NAALADL2: variants seen among roughly 807,000 people sequenced by gnomAD.
NAALADL2 encodes inactive N-acetylated-alpha-linked acidic dipeptidase-like protein 2.
A neutral mutation model predicts 87.2 loss-of-function variants in NAALADL2; 76 were observed. That is an observed-to-expected ratio of 0.87 (90% CI 0.72 to 1.05). The LOEUF (loss-of-function observed/expected upper bound fraction) is 1.05, where lower values mean the gene tolerates loss of function less well. Ranked by LOEUF, NAALADL2 falls within the 50% of genes least tolerant of loss-of-function variation. NAALADL2 has a pLI of 0.00. For synonymous variants in NAALADL2, 354 were observed against 331.0 expected (o/e 1.07, Z -0.75); for missense variants, 1,089 against 945.8 (o/e 1.15, Z -1.99).
At chr3:175,291,449 T>C (rs1421443830) in intron 4 of NAALADL2, among the ~76,000 whole-genome samples, 11 of 152,218 alleles carry the variant, frequency 7.2e-5, no homozygotes, top group Non-Finnish European at 1.5e-4. Flanking sequence ...ATTGCATGTC[T>C]AGTTTTTTAA....
At chr3:174,851,802 G>C (rs188203820) in intron 3 of NAALADL2, among the ~76,000 whole-genome samples, 1 of 152,002 alleles carries the variant, frequency 6.6e-6, no homozygotes, top group Non-Finnish European at 1.5e-5. Flanking sequence ...TACTATTTCT[G>C]ATGATCATAG....
chr3:175,782,135 TTGCTATTGTGAA>T (rs1273526789), intron 13 of NAALADL2, among the ~76,000 whole-genome samples: 1 of 150,474 alleles, frequency 6.6e-6, no homozygotes, highest in Non-Finnish European at 1.5e-5. Context: ...TTCCAAGTCT[TTGCTATTGTGAA>T]TAATGCCTCA....
intron 10 of NAALADL2, among the ~76,000 whole-genome samples, chr3:175,601,252 T>C (rs1582576976): frequency 6.6e-6 from 1 of 152,318 alleles, no homozygotes; most frequent in East Asian, 1.9e-4. Context: ...CTAATTAAAA[T>C]GGAAATAATT....
Position 175,360,762 on chromosome 3 carries a change from T to C in NAALADL2, c.1090+36437T>C, listed in dbSNP as rs1288006577. ...CTTTCTTCATTTATTTTCCTATAGC[T>C]CTCAGGGTATGTTAATTCATTCTTT... On this transcript the variant is annotated intron_variant, in intron 5 of 13. Coordinates refer to ENST00000454872, the MANE Select transcript of NAALADL2 (RefSeq NM_207015.3). 7.9e-5 allele frequency among the ~76,000 whole-genome samples: 12 copies of C among 151,952 alleles called. 1 individual carries two copies. Among genetic ancestry groups the C allele is most frequent in the Admixed American group, 2.6e-4 (4 of 15,182 alleles).
rs1315774314 is a variant in NAALADL2 at position 175,513,986 on chromosome 3, C to A, written c.1653+42228C>A. Among the ~76,000 whole-genome samples, 3 of 152,172 alleles carry A rather than the reference C, an allele frequency of 2.0e-5. No homozygotes were observed. In the East Asian group the frequency reaches 5.8e-4, roughly 29 times the overall value. On this transcript the variant is annotated intron_variant, in intron 9 of 13. Transcript: ENST00000454872. ...TGTGAGCAGTGAATCAACCACAGGG[C>A]AATCTACATGGATTCCATTGAACAG... is the stretch of plus-strand genomic sequence containing the variant.
intron 1 of NAALADL2, among the ~76,000 whole-genome samples, chr3:174,874,060 T>A (rs970275780): frequency 6.6e-6 from 1 of 152,006 alleles, no homozygotes; most frequent in African/African-American, 2.4e-5. Flanking sequence ...TGGGCTGGCA[T>A]AATACAAGCC....
intron 5 of NAALADL2, among the ~76,000 whole-genome samples, chr3:175,419,995 A>G (rs372525081): frequency 1.8e-3 from 270 of 152,122 alleles, no homozygotes; most frequent in African/African-American, 6.2e-3. Flanking sequence ...TTTTTTAATG[A>G]AAGTTCAGGG....
intron 5 of NAALADL2, among the ~76,000 whole-genome samples, chr3:175,433,365 C>T (rs1718102151): frequency 1.3e-5 from 2 of 152,026 alleles, no homozygotes; most frequent in Admixed American, 1.3e-4. Context: ...TGAAAAAGAA[C>T]ATTTTGAGCA....
At chr3:175,457,620 A>G (rs768839641) in intron 6 of NAALADL2, among the ~76,000 whole-genome samples, 4 of 151,966 alleles carry the variant, frequency 2.6e-5, no homozygotes, top group Non-Finnish European at 5.9e-5. Flanking sequence ...CTTTGGCTCA[A>G]ATGATCCTCT....
intron 5 of NAALADL2, among the ~76,000 whole-genome samples, chr3:175,384,503 GT>G (rs1013390495): frequency 3.3e-5 from 5 of 151,836 alleles, no homozygotes; most frequent in Admixed American, 2.0e-4. Flanking sequence ...TATAAATTAG[GT>G]TTTAGTTTCT....
chr3:174,983,090 G>T (rs1036083083), intron 1 of NAALADL2, among the ~76,000 whole-genome samples: 1 of 152,126 alleles, frequency 6.6e-6, no homozygotes, highest in South Asian at 2.1e-4. Context: ...GAGCCACCGC[G>T]CCCAGCCAAA....
intron 2 of NAALADL2, among the ~76,000 whole-genome samples, chr3:174,616,584 AC>A (rs1229929119): frequency 1.3e-5 from 2 of 151,918 alleles, no homozygotes; most frequent in Admixed American, 6.6e-5. Context: ...GAAGCTGTGT[AC>A]TACTCTTGTT....
Position 175,463,454 on chromosome 3 carries a change from A to G in NAALADL2, c.1288A>G (p.Thr430Ala). Residue 430 changes from threonine to alanine, a missense_variant, in exon 7 of 14, where the codon ACT (threonine) becomes GCT (alanine). Physicochemically the swap from Thr to Ala is moderately conservative, Grantham distance 58 (BLOSUM62 0). Transcript: ENST00000454872. ...VQTVTKLKTV[T>A]NVVGFVMGLT... ...GACAGTCACAAAATTGAAAACAGTTACTAATGTTGTTGGATTTGTAATGGG... is the reference window on the plus strand; with the variant it reads ...GACAGTCACAAAATTGAAAACAGTTGCTAATGTTGTTGGATTTGTAATGGG... The G allele has an allele frequency of 6.2e-7, 1 of 1,600,848 alleles. No homozygotes were observed. The highest frequency in any genetic ancestry group is 1.1e-5 in the South Asian group (1 of 87,808).
At chr3:175,010,877 C>A (rs1197658949) in intron 1 of NAALADL2, among the ~76,000 whole-genome samples, 2 of 152,074 alleles carry the variant, frequency 1.3e-5, no homozygotes, top group African/African-American at 4.8e-5. Flanking sequence ...CTAGATTCTG[C>A]ATTTTTTACT....
intron 12 of NAALADL2, among the ~76,000 whole-genome samples, chr3:175,740,381 G>A (rs1745066811): frequency 6.6e-6 from 1 of 152,142 alleles, no homozygotes; most frequent in African/African-American, 2.4e-5. Context: ...GGGATGTGTG[G>A]CAGTGTCAGA....
chr3:174,712,507 C>A (rs950691196), intron 2 of NAALADL2, among the ~76,000 whole-genome samples: 1 of 150,320 alleles, frequency 6.7e-6, no homozygotes, highest in African/African-American at 2.4e-5. Flanking sequence ...CCTGCCTCAG[C>A]CTCCCAAGTA....
chr3:174,764,253 T>G (rs1470170726), intron 3 of NAALADL2, among the ~76,000 whole-genome samples: 1 of 152,226 alleles, frequency 6.6e-6, no homozygotes, highest in Non-Finnish European at 1.5e-5. Context: ...GTTCATGATC[T>G]TTTGCTTCAA....
intron 3 of NAALADL2, among the ~76,000 whole-genome samples, chr3:174,756,736 T>C (rs1459156689): frequency 1.3e-5 from 2 of 152,192 alleles, no homozygotes; most frequent in African/African-American, 4.8e-5. Context: ...AGTAAAGATC[T>C]GCAGCACTTG....
At chr3:175,133,442 G>T (rs57023148) in intron 2 of NAALADL2, among the ~76,000 whole-genome samples, 19,514 of 152,260 alleles carry the variant, frequency 0.13, 1,542 homozygotes, top group East Asian at 0.36. Context: ...ATTGAGCACT[G>T]AGTGAACCAG....
Sources: allele counts gnomAD v4.1 joint callset (sites outside exome capture counted in the v4.1 genomes callset), GRCh38; gene constraint gnomAD v4.1.1; transcripts MANE v1.5; gene names NCBI Gene and HGNC (gene_info 2026-07-23, HGNC 2026-07-21).